The following LPAR5 variants were observed in gnomAD, a reference collection of about 807,000 sequenced individuals.
LPAR5 encodes the protein G protein-coupled receptor 92.
For synonymous variants in LPAR5, 271 were observed against 261.6 expected, an observed-to-expected ratio of 1.04 and a Z score of -0.35; for missense variants, 544 against 521.8, an observed-to-expected ratio of 1.04 and a Z score of -0.41.
In LPAR5 at chr12:6,621,228, T is replaced by G; in HGVS notation, c.21A>C (p.Ser7=). Residue 7 remains serine, a synonymous_variant, in exon 2 of 2, where the codon TCA becomes TCC. Transcript: ENST00000329858. The stretch of plus-strand genomic sequence containing the variant: ...GACACGGGAGAACAGAACTGTTGGT[T>G]GAGGAGCTGTTGGCTAACATCGTGC... The part of the protein sequence containing the change: MLANSS[S]TNSSVLPCPD... The G allele has an allele frequency of 6.6e-7, 1 of 1,511,120 alleles. No homozygotes were observed. Among genetic ancestry groups the G allele is most frequent in the South Asian group, 1.4e-5 (1 of 73,856 alleles). The allele number at this position is 1,511,120 out of a possible 1,614,324, so 93.6% of individuals were successfully genotyped here. A position where few individuals can be genotyped will look rare whatever the true frequency, so the allele number is the denominator to read the frequency against.
At chr12:6,624,774 C>G (rs796600287) in intron 1 of LPAR5, among the ~76,000 whole-genome samples, 1 of 152,218 alleles carries the variant, frequency 6.6e-6, no homozygotes, top group African/African-American at 2.4e-5. Flanking sequence ...GCATGCGCCA[C>G]CACGCCTGGC....
chr12:6,620,563 C>T lies in LPAR5; in HGVS notation c.686G>A (p.Arg229Gln). 6.4e-7 allele frequency: 1 copy of T among 1,555,602 alleles called. No individual in the cohort carries two copies. The highest frequency in any genetic ancestry group is 8.7e-7 in the Non-Finnish European group (1 of 1,150,088). Residue 229 changes from arginine (R) to glutamine (Q), a missense_variant, in exon 2 of 2, where the codon CGG becomes CAG. Transcript: ENST00000329858. The surrounding 1 kb of genome is among the most constrained non-coding windows in gnomAD (Gnocchi z 6.8). ...ARPDATQSQR[R>Q]RKTVRLLLAN... ...CAGCAGGAGGCGCACGGTCTTCCGC[C>T]GCCGCTGGCTCTGCGTGGCGTCGGG...
chr12:6,625,573 T>C (rs868392834), intron 1 of LPAR5, among the ~76,000 whole-genome samples: 25 of 131,304 alleles, frequency 1.9e-4, no homozygotes, highest in Admixed American at 5.4e-4. Flanking sequence ...TACAAAAAAA[T>C]TTAGCTGAGC....
At chr12:6,624,447 T>G (rs902961858) in intron 1 of LPAR5, among the ~76,000 whole-genome samples, 6 of 151,616 alleles carry the variant, frequency 4.0e-5, no homozygotes, top group African/African-American at 1.5e-4. Flanking sequence ...CCGCACCCCA[T>G]TCAGCTTCTG....
intron 1 of LPAR5, among the ~76,000 whole-genome samples, chr12:6,632,018 C>T (rs905020080): frequency 9.2e-5 from 14 of 152,170 alleles, no homozygotes; most frequent in Non-Finnish European, 2.9e-5. Context: ...GTCGCCTGAG[C>T]TGGAGTGCAA....
At chr12:6,628,780 G>A (rs1948963164) in intron 1 of LPAR5, among the ~76,000 whole-genome samples, 1 of 151,528 alleles carries the variant, frequency 6.6e-6, no homozygotes, top group Admixed American at 6.6e-5. Context: ...TTACAGGCAT[G>A]TGCCACCACG....
rs1948885031 is a variant in LPAR5, at chr12:6,620,629, A to G, written c.620T>C (p.Val207Ala). 24 of 1,552,242 alleles carry G rather than the reference A, an allele frequency of 1.5e-5. No individual in the cohort carries two copies. The highest frequency in any genetic ancestry group is 2.1e-5 in the Non-Finnish European group (24 of 1,148,790). ...ALGFLLPLAA[V>A]VYSSGRVFWT... ...GAAGACTCGGCCCGACGAGTAGACC[A>G]CCGCCGCCAGGGGCAGCAGGAAGCC... The change falls in exon 2 of 2, where the codon GTG (valine) becomes GCG (alanine). Residue 207 changes from valine (V) to alanine (A), a missense_variant. Coordinates refer to ENST00000329858, the MANE Select transcript of LPAR5 (RefSeq NM_020400.6). This position sits in a 1 kb window ranked among gnomAD's most constrained non-coding sequence, Gnocchi z 6.8.
At chr12:6,633,037 C>T (rs995766633) in intron 1 of LPAR5, among the ~76,000 whole-genome samples, 2 of 152,234 alleles carry the variant, frequency 1.3e-5, no homozygotes, top group African/African-American at 4.8e-5. Flanking sequence ...TGGCTTCTCC[C>T]TCCCTGAGTA....
At chr12:6,635,450 A>C (rs1474691900) in intron 1 of LPAR5, among the ~76,000 whole-genome samples, 1 of 152,238 alleles carries the variant, frequency 6.6e-6, no homozygotes, top group African/African-American at 2.4e-5. Flanking sequence ...CATCTCTGCC[A>C]GTCAACCCAT....
chr12:6,625,522 C>T lies in LPAR5; in HGVS notation c.-216-4058G>A, dbSNP rs867716762. On this transcript the variant is annotated intron_variant, in intron 1 of 1. Coordinates refer to ENST00000329858, the MANE Select transcript of LPAR5 (RefSeq NM_020400.6). ...GGATCACAAGGTGAGGAGATCGAGACCATCCTGGCTAACATGGTGAAACCT... is the reference window on the plus strand; with the variant it reads ...GGATCACAAGGTGAGGAGATCGAGATCATCCTGGCTAACATGGTGAAACCT... Among the ~76,000 whole-genome samples the T allele has an allele frequency of 7.3e-5, 11 of 150,842 alleles. 1 individual carries two copies. The highest frequency in any genetic ancestry group is 6.8e-3 in the Middle Eastern group (2 of 292).
intron 1 of LPAR5, among the ~76,000 whole-genome samples, chr12:6,625,946 G>A (rs561352420): frequency 2.0e-5 from 3 of 152,186 alleles, no homozygotes; most frequent in Admixed American, 6.5e-5. Flanking sequence ...ACCTACAGGC[G>A]TGTGCCACCA....
At chr12:6,628,028 C>CTTTTTTTTTTT (rs71067128) in intron 1 of LPAR5, among the ~76,000 whole-genome samples, 4 of 134,484 alleles carry the variant, frequency 3.0e-5, no homozygotes, top group Admixed American at 8.1e-5. Flanking sequence ...TTTCTTTTTT[C>CTTTTTTTTTTT]TTTTTTTTTT....
intron 1 of LPAR5, among the ~76,000 whole-genome samples, chr12:6,622,937 A>G (rs1238947180): frequency 6.6e-6 from 1 of 151,814 alleles, no homozygotes; most frequent in East Asian, 2.0e-4. Context: ...CCCATCTCAA[A>G]AAAGAAAGAA....
intron 1 of LPAR5, among the ~76,000 whole-genome samples, chr12:6,624,106 A>G (rs897866057): frequency 2.6e-5 from 4 of 152,204 alleles, no homozygotes; most frequent in African/African-American, 4.8e-5. Flanking sequence ...CAGTTTCTTC[A>G]TCTGTAAAAT....
intron 1 of LPAR5, among the ~76,000 whole-genome samples, chr12:6,630,133 C>CT (rs913047100): frequency 3.9e-4 from 58 of 148,074 alleles, no homozygotes; most frequent in South Asian, 2.1e-3. Context: ...TCTTGGGTTT[C>CT]TTTTTTTTTT....
intron 1 of LPAR5, among the ~76,000 whole-genome samples, chr12:6,632,356 T>G (rs1434599650): frequency 6.6e-6 from 1 of 152,024 alleles, no homozygotes; most frequent in Non-Finnish European, 1.5e-5. Flanking sequence ...TTCTTACATC[T>G]CCCCATCCTC....
intron 1 of LPAR5, among the ~76,000 whole-genome samples, chr12:6,635,224 G>T (rs1477446357): frequency 6.6e-6 from 1 of 152,182 alleles, no homozygotes; most frequent in Non-Finnish European, 1.5e-5. Flanking sequence ...CTCATGGTGT[G>T]ATGTGAAGGT....
Position 6,620,501 on chromosome 12 carries a change from AG to A in LPAR5, c.747del (p.Tyr250ThrfsTer30). ...CCGTAGACCGCCAGCGTGCTGTTGT[AG>A]GGCACGAAGCACAGCAGGAAGATGA... is the stretch of plus-strand genomic sequence containing the variant. ...NLVIFLLCFVPYNSTLAVYGL... is the reference protein window; with the variant it reads ...NLVIFLLCFVXYNSTLAVYGL... On this transcript the variant is annotated frameshift_variant, in exon 2 of 2. Coordinates refer to ENST00000329858, the MANE Select transcript of LPAR5 (RefSeq NM_020400.6). LOFTEE classifies it low-confidence loss of function (END_TRUNC). This position sits in a 1 kb window ranked among gnomAD's most constrained non-coding sequence, Gnocchi z 6.8. The A allele has an allele frequency of 6.3e-7, 1 of 1,586,258 alleles. No individual in the cohort carries two copies. Among genetic ancestry groups the A allele is most frequent in the South Asian group, 1.1e-5 (1 of 88,212 alleles).
At position 6,620,641 on chromosome 12, in the gene LPAR5, G is replaced by T; in HGVS notation, c.608C>A (p.Pro203His). Residue 203 changes from proline (P) to histidine (H), a missense_variant, in exon 2 of 2, where the codon CCC (proline) becomes CAC (histidine). Coordinates refer to ENST00000329858, the MANE Select transcript of LPAR5 (RefSeq NM_020400.6). This position sits in a 1 kb window ranked among gnomAD's most constrained non-coding sequence, Gnocchi z 6.8. The part of the protein sequence containing the change: ...LLAEALGFLL[P>H]LAAVVYSSGR... ...CGACGAGTAGACCACCGCCGCCAGG[G>T]GCAGCAGGAAGCCCAGCGCCTCGGC... 6.4e-7 allele frequency: 1 copy of T among 1,554,582 alleles called. No homozygotes were observed. The highest frequency in any genetic ancestry group is 8.7e-7 in the Non-Finnish European group (1 of 1,149,752).
Sources: gnomAD v4.1 joint callset for allele counts (sites outside exome capture counted in the v4.1 genomes callset) on GRCh38, gnomAD v4.1.1 for gene constraint, Gnocchi (gnomAD v3.1) non-coding constraint, MANE v1.5 for transcripts, NCBI Gene and HGNC (gene_info 2026-07-23, HGNC 2026-07-21) for gene names.